ARHGAP32: variants seen among roughly 807,000 people sequenced by gnomAD.
ARHGAP32 encodes Rho GTPase activating protein 32, also known as rho GTPase-activating protein 32.
Under a neutral mutation model 186.5 loss-of-function variants are expected in ARHGAP32, and 51 were observed. The ratio of observed to expected loss-of-function variants is 0.27; its 90% CI spans 0.22 to 0.35. The LOEUF is 0.35. ARHGAP32 is among the 10% of genes least tolerant of loss of function. The probability of loss-of-function intolerance (pLI) is 1.00; values close to 1 mark genes in which losing one functional copy is unlikely to be tolerated. For synonymous variants in ARHGAP32, 950 were observed against 964.3 expected (o/e 0.99, Z 0.27); for missense variants, 2,186 against 2,623.5 (o/e 0.83, Z 3.64).
chr11:129,052,647 T>C (rs1940100020), intron 10 of ARHGAP32, among the ~76,000 whole-genome samples: 1 of 152,138 alleles, frequency 6.6e-6, no homozygotes, highest in South Asian at 2.1e-4. Context: ...TTCCTATTTT[T>C]AGTACTATTA....
chr11:129,112,703 C>T (rs1942260468), intron 5 of ARHGAP32, among the ~76,000 whole-genome samples: 1 of 152,130 alleles, frequency 6.6e-6, no homozygotes, highest in Non-Finnish European at 1.5e-5. Flanking sequence ...ATTACCAAAC[C>T]ATCCTTTGCT....
intron 6 of ARHGAP32, among the ~76,000 whole-genome samples, chr11:129,074,282 T>C (rs1312634223): frequency 6.6e-6 from 1 of 151,660 alleles, no homozygotes; most frequent in Non-Finnish European, 1.5e-5. Flanking sequence ...TACATATATA[T>C]GTGTATGGAG....
chr11:129,222,213 T>C (rs1191638519), intron 1 of ARHGAP32, among the ~76,000 whole-genome samples: 5 of 152,182 alleles, frequency 3.3e-5, no homozygotes. Context: ...CAAGTGAACC[T>C]AAGAGTTACA....
chr11:129,205,817 T>A (rs572657258), intron 1 of ARHGAP32, among the ~76,000 whole-genome samples: 1 of 152,198 alleles, frequency 6.6e-6, no homozygotes, highest in Non-Finnish European at 1.5e-5. Context: ...CTAGATACTA[T>A]GATGCTATCC....
rs1438195078 is a variant in ARHGAP32 at position 129,178,638 on chromosome 11, G to A, written c.116+13445C>T. On this transcript the variant is annotated intron_variant, in intron 1 of 22. Coordinates refer to ENST00000682385, the MANE Select transcript of ARHGAP32 (RefSeq NM_001378024.1). ...GAACAGAGCCCTCAGAAATAATGCC[G>A]CATATCTACAACTATCTGATCTTTG... 2.9e-4 allele frequency among the ~76,000 whole-genome samples: 44 copies of A among 151,872 alleles called. 1 individual carries two copies. The highest frequency in any genetic ancestry group is 2.3e-3 in the South Asian group (11 of 4,798).
chr11:129,070,936 A>G (rs760062087), intron 6 of ARHGAP32, among the ~76,000 whole-genome samples: 7 of 152,044 alleles, frequency 4.6e-5, no homozygotes, highest in Non-Finnish European at 1.0e-4. Context: ...TTCTTTTATA[A>G]AAAATTCATA....
At chr11:129,236,737 C>A (rs557391440) in intron 1 of ARHGAP32, among the ~76,000 whole-genome samples, 1 of 152,044 alleles carries the variant, frequency 6.6e-6, no homozygotes, top group South Asian at 2.1e-4. Context: ...GATTTGGATG[C>A]GCTTTCTTTC....
At chr11:129,156,267 C>T (rs1014517935) in intron 2 of ARHGAP32, among the ~76,000 whole-genome samples, 4 of 152,174 alleles carry the variant, frequency 2.6e-5, no homozygotes, top group Non-Finnish European at 2.9e-5. Context: ...GGAAAGGGGG[C>T]TAAAGCCAGG....
intron 11 of ARHGAP32, among the ~76,000 whole-genome samples, chr11:129,012,929 T>C (rs1263025684): frequency 6.6e-6 from 1 of 152,212 alleles, no homozygotes; most frequent in Non-Finnish European, 1.5e-5. Context: ...AACATATTTA[T>C]AGTTATGATC....
At chr11:129,234,704 G>A (rs1027477330) in intron 1 of ARHGAP32, among the ~76,000 whole-genome samples, 7 of 151,978 alleles carry the variant, frequency 4.6e-5, no homozygotes, top group Non-Finnish European at 1.0e-4. Flanking sequence ...GCAATTTTTA[G>A]AGAAACAAAA....
intron 1 of ARHGAP32, among the ~76,000 whole-genome samples, chr11:129,184,583 A>G (rs1377681216): frequency 6.6e-6 from 1 of 152,032 alleles, no homozygotes; most frequent in East Asian, 1.9e-4. Context: ...AAAGAAATAT[A>G]TCATAAAATA....
intron 6 of ARHGAP32, among the ~76,000 whole-genome samples, chr11:129,089,615 T>A (rs1467004983): frequency 1.3e-5 from 2 of 152,198 alleles, no homozygotes; most frequent in African/African-American, 4.8e-5. Flanking sequence ...ACCCAGATTG[T>A]GTAGGACCCT....
chr11:129,138,153 T>C (rs913576459), intron 2 of ARHGAP32, among the ~76,000 whole-genome samples: 3 of 151,910 alleles, frequency 2.0e-5, no homozygotes, highest in African/African-American at 7.2e-5. Context: ...TAATAAAAAC[T>C]GAAGCCCTGA....
In ARHGAP32 at chr11:128,976,630, G is replaced by C. The variant is rs1226385610; in HGVS notation, c.2127C>G (p.Gly709=). ...SEMKAMALKG[G]RAEGTLRSAK... ...CTGAACGGAGGGTTCCTTCTGCCCT[G>C]CCACCTGAAGAATAAAAAACACATA... The change falls in exon 20 of 23, where the codon GGC becomes GGG. Residue 709 remains glycine (G), a synonymous_variant. Coordinates refer to ENST00000682385, the MANE Select transcript of ARHGAP32 (RefSeq NM_001378024.1). 3 of 1,613,110 alleles carry C rather than the reference G, an allele frequency of 1.9e-6. No individual in the cohort carries two copies. The African/African-American group carries it at 4.0e-5, about 22-fold the overall frequency.
At chr11:129,014,109 C>G (rs1004336497) in intron 11 of ARHGAP32, among the ~76,000 whole-genome samples, 2 of 152,174 alleles carry the variant, frequency 1.3e-5, no homozygotes, top group East Asian at 1.9e-4. Context: ...TTTCCTACTT[C>G]AGAGCTAAAA....
chr11:129,135,739 C>A (rs1281867716), intron 2 of ARHGAP32, among the ~76,000 whole-genome samples: 1 of 151,928 alleles, frequency 6.6e-6, no homozygotes, highest in Non-Finnish European at 1.5e-5. Flanking sequence ...TGCACTCCAG[C>A]CTGGGCAACA....
chr11:128,997,445 C>T (rs1384087616), intron 12 of ARHGAP32, among the ~76,000 whole-genome samples: 1 of 152,142 alleles, frequency 6.6e-6, no homozygotes, highest in Non-Finnish European at 1.5e-5. Context: ...TTGTTTTTCA[C>T]TAATGGTCTT....
chr11:129,240,133 C>G (rs1427658035), intron 1 of ARHGAP32, among the ~76,000 whole-genome samples: 1 of 152,018 alleles, frequency 6.6e-6, no homozygotes, highest in Admixed American at 6.6e-5. Context: ...CCTCCGCCTC[C>G]TGGGTTCAAG....
At chr11:128,986,719 T>G (rs1431275756) in intron 13 of ARHGAP32, 51 bp from the exon 14 acceptor site, 1 of 1,580,890 alleles carries the variant, frequency 6.3e-7, no homozygotes. Context: ...GGAGAGCAAA[T>G]ATGTGTCTTA....
Sources: allele counts gnomAD v4.1 joint callset (sites outside exome capture counted in the v4.1 genomes callset), GRCh38; gene constraint gnomAD v4.1.1; transcripts MANE v1.5; gene names NCBI Gene and HGNC (gene_info 2026-07-23, HGNC 2026-07-21).